Variants in CSNK1G1 observed in about 807,000 individuals in gnomAD.
CSNK1G1 encodes the protein casein kinase 1 gamma 1, also known as casein kinase I isoform gamma-1.
In CSNK1G1, 22 loss-of-function variants were observed where a neutral mutation model predicts 59.6. The observed-to-expected ratio is 0.37, with a 90% CI of 0.26 to 0.53. The LOEUF (loss-of-function observed/expected upper bound fraction) is 0.53. Among genes scored for constraint, CSNK1G1 ranks in the 20% least tolerant of loss-of-function variants. The pLI is 0.89. For missense variants in CSNK1G1, 384 were observed against 519.5 expected (o/e 0.74, Z 2.54); for synonymous variants, 179 against 177.1 (o/e 1.01, Z -0.08).
intron 2 of CSNK1G1, among the ~76,000 whole-genome samples, chr15:64,289,272 T>C (rs1384185306): frequency 6.6e-6 from 1 of 152,114 alleles, no homozygotes; most frequent in Non-Finnish European, 1.5e-5. Flanking sequence ...TGTCAATGCA[T>C]AATCTTGCAA....
At chr15:64,181,493 A>C in intron 10 of CSNK1G1, 2 of 1,383,072 alleles carry the variant, frequency 1.4e-6, no homozygotes, top group Non-Finnish European at 1.9e-6. Context: ...CCCTTGGATA[A>C]GTACTTCCAT....
intron 2 of CSNK1G1, among the ~76,000 whole-genome samples, chr15:64,281,610 G>C (rs571890053): frequency 6.6e-6 from 1 of 152,310 alleles, no homozygotes; most frequent in East Asian, 1.9e-4. Flanking sequence ...AGCCAAGGCA[G>C]TTGGATCACC....
chr15:64,279,136 A>G (rs915511385), intron 2 of CSNK1G1, among the ~76,000 whole-genome samples: 11 of 152,238 alleles, frequency 7.2e-5, no homozygotes, highest in African/African-American at 2.4e-4. Context: ...TTACTGAGGT[A>G]TAACTTACAT....
intron 2 of CSNK1G1, among the ~76,000 whole-genome samples, chr15:64,271,730 T>C (rs2140350314): frequency 6.6e-6 from 1 of 152,346 alleles, no homozygotes; most frequent in African/African-American, 2.4e-5. Flanking sequence ...GAAGAATGTA[T>C]ATTCTGTTGT....
At chr15:64,253,115 C>T (rs1049242546) in intron 3 of CSNK1G1, among the ~76,000 whole-genome samples, 2 of 152,068 alleles carry the variant, frequency 1.3e-5, no homozygotes, top group Admixed American at 6.6e-5. Flanking sequence ...GAGGCTGAGA[C>T]GGCAGAACTG....
At chr15:64,186,079 C>T (rs1266221270) in intron 10 of CSNK1G1, among the ~76,000 whole-genome samples, 1 of 151,996 alleles carries the variant, frequency 6.6e-6, no homozygotes, top group Non-Finnish European at 1.5e-5. Context: ...TGTGCTGGAT[C>T]TCTGGTTTCC....
intron 1 of CSNK1G1, among the ~76,000 whole-genome samples, chr15:64,301,967 C>T (rs551044686): frequency 6.6e-6 from 1 of 152,068 alleles, no homozygotes; most frequent in Non-Finnish European, 1.5e-5. Context: ...ACCAATTATA[C>T]AACAAAGCAA....
intron 1 of CSNK1G1, among the ~76,000 whole-genome samples, chr15:64,316,471 G>T (rs1896268876): frequency 6.6e-6 from 1 of 150,644 alleles, no homozygotes; most frequent in Non-Finnish European, 1.5e-5. Context: ...AGGAGGTGGA[G>T]GGTGCAGTAA....
At chr15:64,310,630 T>G (rs1490414828) in intron 1 of CSNK1G1, among the ~76,000 whole-genome samples, 1 of 151,650 alleles carries the variant, frequency 6.6e-6, no homozygotes, top group African/African-American at 2.4e-5. Flanking sequence ...GGTGAAAGGA[T>G]CCCTTGAGCC....
chr15:64,192,035 G>GT (rs1283603964), intron 10 of CSNK1G1, among the ~76,000 whole-genome samples: 1 of 152,224 alleles, frequency 6.6e-6, no homozygotes, highest in Non-Finnish European at 1.5e-5. Context: ...GTCTGCTAGT[G>GT]TAACTCTCCA....
chr15:64,321,258 C>CT lies in CSNK1G1; in HGVS notation c.-224-20536dup, dbSNP rs371870605. ...AAAAAGCATTTTTTTTCTTTTTTTC[C>CT]TTTTTTTTTTTTTTGGAGATAGGGA... On this transcript the variant is annotated intron_variant, in intron 1 of 11. Transcript: ENST00000303052. Among the ~76,000 whole-genome samples the CT allele has an allele frequency of 4.4e-3, 610 of 139,992 alleles. 2 individuals are homozygous for CT. The highest frequency in any genetic ancestry group is 5.2e-3 in the Non-Finnish European group (330 of 63,982). 91.8% of individuals were successfully genotyped at this position (139,992 alleles called of 152,430 possible).
At chr15:64,222,596 C>T (rs116344793) in intron 4 of CSNK1G1, among the ~76,000 whole-genome samples, 1,879 of 151,392 alleles carry the variant, frequency 0.012, 29 homozygotes, top group African/African-American at 0.044. Flanking sequence ...TATGAAATAA[C>T]GTGTGGCACC....
chr15:64,261,171 A>G (rs181329187), intron 2 of CSNK1G1, among the ~76,000 whole-genome samples: 23 of 152,368 alleles, frequency 1.5e-4, no homozygotes, highest in African/African-American at 5.3e-4. Flanking sequence ...ATGAGGCAGT[A>G]ACAAACAGCC....
rs1249037749 is a variant in CSNK1G1 at position 64,269,149 on chromosome 15, T to A, written c.182-9908A>T. Reference sequence around the variant, plus strand: ...CCACATTTATTTCAATGTTTAACATTACAAGTGTTTTGGGCCTTTATCTAG... The same window carrying A: ...CCACATTTATTTCAATGTTTAACATAACAAGTGTTTTGGGCCTTTATCTAG... On this transcript the variant is annotated intron_variant, in intron 2 of 11. Coordinates refer to ENST00000303052, the MANE Select transcript of CSNK1G1 (RefSeq NM_022048.5). Among the ~76,000 whole-genome samples the A allele has an allele frequency of 2.0e-5, 3 of 152,236 alleles. No individual in the cohort carries two copies. The East Asian group carries it at 5.8e-4, about 29-fold the overall frequency.
chr15:64,336,718 G>A (rs8034610), intron 1 of CSNK1G1, among the ~76,000 whole-genome samples: 120,284 of 152,032 alleles, frequency 0.79, 48,822 homozygotes, highest in East Asian at 0.95. Context: ...CATTAGAGAG[G>A]AAGTTTACAG....
rs946055574 is a variant in CSNK1G1, at chr15:64,200,997, C to T, written c.1107+2085G>A. On this transcript the variant is annotated intron_variant, in intron 10 of 11. Transcript: ENST00000303052. This position sits in a 1 kb window ranked among gnomAD's most constrained non-coding sequence, Gnocchi z 4.3. ...TTGATCAAATTGCTTTCTAGCCAGG[C>T]ACAGTGGCTCACGCCTGTAATCCCA... is the stretch of plus-strand genomic sequence containing the variant. 6.6e-6 allele frequency among the ~76,000 whole-genome samples: 1 copy of T among 152,102 alleles called. No homozygotes were observed. Among genetic ancestry groups the T allele is most frequent in the Non-Finnish European group, 1.5e-5 (1 of 68,010 alleles).
intron 1 of CSNK1G1, among the ~76,000 whole-genome samples, chr15:64,352,392 G>A (rs1023387016): frequency 1.4e-5 from 2 of 147,670 alleles, no homozygotes; most frequent in Admixed American, 1.4e-4. Context: ...CATTTAGAAA[G>A]CTAAATAACC....
At chr15:64,355,952 T>A (rs1298531957) in intron 1 of CSNK1G1, 36 bp downstream of exon 1, 1 of 142,614 alleles carries the variant, frequency 7.0e-6, no homozygotes, top group African/African-American at 2.6e-5. Context: ...CCCTCAGACT[T>A]CAGCCTACAG....
At position 64,203,089 on chromosome 15, in the gene CSNK1G1, C is replaced by CG; in HGVS notation, c.1099dup (p.Arg367ProfsTer6). 1 of 1,612,642 alleles carries CG rather than the reference C, an allele frequency of 6.2e-7. No individual in the cohort carries two copies. The highest frequency in any genetic ancestry group is 8.5e-7 in the Non-Finnish European group (1 of 1,178,714). ...TGGAGGATCAACACATACCTGATTT[C>CG]GAAGAGGCTGCTGTTGTGATGGCCG... On this transcript the variant is annotated frameshift_variant, in exon 10 of 12. Coordinates refer to ENST00000303052, the MANE Select transcript of CSNK1G1 (RefSeq NM_022048.5). LOFTEE classifies it high-confidence loss of function.
Sources: gnomAD v4.1 joint callset for allele counts (sites outside exome capture counted in the v4.1 genomes callset) on GRCh38, gnomAD v4.1.1 for gene constraint, Gnocchi (gnomAD v3.1) non-coding constraint, MANE v1.5 for transcripts, NCBI Gene and HGNC (gene_info 2026-07-23, HGNC 2026-07-21) for gene names.